The following CFAP91 variants were observed in gnomAD, a reference collection of about 807,000 sequenced individuals.
The protein encoded by CFAP91 is cilia and flagella associated protein 91.
A neutral mutation model predicts 95.9 loss-of-function variants in CFAP91; 85 were observed. The observed-to-expected ratio is 0.89, with a 90% confidence interval of 0.74 to 1.06. The LOEUF (loss-of-function observed/expected upper bound fraction) is 1.06. Among genes scored for constraint, CFAP91 ranks in the 50% least tolerant of loss-of-function variants. The probability of loss-of-function intolerance (pLI) is 0.00; values close to 1 mark genes in which losing one functional copy is unlikely to be tolerated. For synonymous variants in CFAP91, 335 were observed against 327.5 expected, an observed-to-expected ratio of 1.02 and a Z score of -0.25; for missense variants, 962 against 943.4, an observed-to-expected ratio of 1.02 and a Z score of -0.26.
Position 119,740,557 on chromosome 3 carries a change from A to G in CFAP91, c.1542A>G (p.Glu514=). 1 of 1,584,124 alleles carries G rather than the reference A, an allele frequency of 6.3e-7. No homozygotes were observed. The highest frequency in any genetic ancestry group is 1.7e-5 in the Admixed American group (1 of 58,778). Residue 514 remains glutamate (E), a synonymous_variant, in exon 13 of 18, where the codon GAA becomes GAG. Transcript: ENST00000273390. ...GATTTGATTTGATACAGATGTTTGA[A>G]GGGAAAGAAAAGCGACTGGAGTTGA... The part of the protein sequence containing the change: ...RGRVVQNMMF[E]GKEKRLELIQ...
intron 17 of CFAP91, among the ~76,000 whole-genome samples, chr3:119,764,408 A>G (rs1000696633): frequency 6.6e-6 from 1 of 152,136 alleles, no homozygotes; most frequent in Non-Finnish European, 1.5e-5. Context: ...ACTTTCACAA[A>G]CATATCTTTG....
At chr3:119,743,869 T>C in intron 13 of CFAP91, 106 bp from the exon 14 acceptor site, 2 of 1,018,614 alleles carry the variant, frequency 2.0e-6, no homozygotes, top group Non-Finnish European at 2.8e-6. Context: ...AAATGCATTC[T>C]GAAAGTGAAT....
chr3:119,739,607 G>A (rs938875633), intron 12 of CFAP91, among the ~76,000 whole-genome samples: 1 of 150,958 alleles, frequency 6.6e-6, no homozygotes, highest in South Asian at 2.1e-4. Context: ...TTCTTCCTTG[G>A]AATTGTTAAA....
chr3:119,708,720 A>G, intron 4 of CFAP91, 46 bp downstream of exon 4: 1 of 1,100,236 alleles, frequency 9.1e-7, no homozygotes, highest in Non-Finnish European at 1.4e-6. Flanking sequence ...ATATTATTAG[A>G]GAACCTCTTT....
chr3:119,747,968 A>G, intron 16 of CFAP91, 66 bp downstream of exon 16: 2 of 1,251,768 alleles, frequency 1.6e-6, no homozygotes, highest in Non-Finnish European at 2.3e-6. Context: ...AATATCCCAG[A>G]GATTTAAAAT....
At chr3:119,742,136 C>T (rs920741742) in intron 13 of CFAP91, among the ~76,000 whole-genome samples, 1 of 152,166 alleles carries the variant, frequency 6.6e-6, no homozygotes, top group African/African-American at 2.4e-5. Flanking sequence ...CTTTTCAGCT[C>T]ATTTATTCCA....
rs773596379 is a variant in CFAP91, at chr3:119,715,688, T to C, written c.627T>C (p.Tyr209=). 1 of 1,613,910 alleles carries C rather than the reference T, an allele frequency of 6.2e-7. No individual in the cohort carries two copies. Among genetic ancestry groups the C allele is most frequent in the Admixed American group, 1.7e-5 (1 of 60,020 alleles). Residue 209 remains tyrosine (Y), a synonymous_variant, in exon 6 of 18, where the codon TAT becomes TAC. Coordinates refer to ENST00000273390, the MANE Select transcript of CFAP91 (RefSeq NM_033364.4). ...AAACAGATCCATACTCTGCAGAATA[T>C]GTAGTATGTCAGGACTCAATCCCTG... ...DVQTDPYSAE[Y]VVCQDSIPEL...
rs11709699 is a variant in CFAP91, at chr3:119,714,382, A to G, written c.501-1180A>G. Among the ~76,000 whole-genome samples the G allele has an allele frequency of 7.2e-3, 923 of 128,460 alleles. 13 individuals are homozygous for G. Among genetic ancestry groups the G allele is most frequent in the African/African-American group, 0.015 (528 of 36,244 alleles). The allele number at this position is 128,460 out of a possible 152,430, so 84.3% of individuals were successfully genotyped here. A position where few individuals can be genotyped will look rare whatever the true frequency, so the allele number is the denominator to read the frequency against. On this transcript the variant is annotated intron_variant, in intron 5 of 17. Transcript: ENST00000273390. Reference sequence around the variant, plus strand: ...CTCCGTCTCAAAAAAAAAAAAAAAAAAAAGAAAGAAACGCTGGAGCAAAGC... The same window carrying G: ...CTCCGTCTCAAAAAAAAAAAAAAAAGAAAGAAAGAAACGCTGGAGCAAAGC...
chr3:119,726,439 G>A (rs916397461), intron 7 of CFAP91, 91 bp downstream of exon 7: 2 of 1,263,766 alleles, frequency 1.6e-6, no homozygotes, highest in African/African-American at 1.5e-5. Context: ...CAAATGTATG[G>A]GTTGAAAAGC....
chr3:119,728,013 A>AATGATG (rs373100019), intron 7 of CFAP91, among the ~76,000 whole-genome samples: 1 of 150,482 alleles, frequency 6.6e-6, no homozygotes, highest in African/African-American at 2.4e-5. Context: ...TGATGATGAT[A>AATGATG]ATGATGATGA....
intron 17 of CFAP91, among the ~76,000 whole-genome samples, chr3:119,758,401 G>A (rs921128461): frequency 6.6e-6 from 1 of 152,164 alleles, no homozygotes; most frequent in African/African-American, 2.4e-5. Context: ...TATTTCCTAT[G>A]CTATGAAAAG....
At chr3:119,706,484 T>G (rs972673373) in intron 1 of CFAP91, 1 of 230,556 alleles carries the variant, frequency 4.3e-6, no homozygotes, top group Non-Finnish European at 8.5e-6. Context: ...TTACCCAGGC[T>G]CAAAAGGAGT....
chr3:119,732,859 G>A (rs1198640708), intron 9 of CFAP91, among the ~76,000 whole-genome samples: 3 of 152,194 alleles, frequency 2.0e-5, no homozygotes, highest in Admixed American at 1.3e-4. Context: ...GGAGAACCAG[G>A]TGATAAGTTC....
At chr3:119,739,374 T>A in intron 12 of CFAP91, 48 bp downstream of exon 12, 1 of 1,530,436 alleles carries the variant, frequency 6.5e-7, no homozygotes, top group Non-Finnish European at 9.0e-7. Flanking sequence ...TGAGAATAAA[T>A]TTTTTAGAAT....
chr3:119,755,019 A>G (rs2054399595), intron 17 of CFAP91, among the ~76,000 whole-genome samples: 1 of 152,080 alleles, frequency 6.6e-6, no homozygotes, highest in African/African-American at 2.4e-5. Context: ...TCCCTTTTGG[A>G]AGGAAATATG....
At chr3:119,720,704 A>G (rs1159269707) in intron 6 of CFAP91, among the ~76,000 whole-genome samples, 1 of 152,178 alleles carries the variant, frequency 6.6e-6, no homozygotes, top group Non-Finnish European at 1.5e-5. Context: ...CTGAATGAGG[A>G]CAGTACAGTT....
At chr3:119,742,213 G>GT (rs2054134379) in intron 13 of CFAP91, among the ~76,000 whole-genome samples, 1 of 152,154 alleles carries the variant, frequency 6.6e-6, no homozygotes. Flanking sequence ...AATGGGCAAA[G>GT]CTGTCACTTA....
At chr3:119,757,305 C>T (rs1156482720) in intron 17 of CFAP91, among the ~76,000 whole-genome samples, 1 of 152,078 alleles carries the variant, frequency 6.6e-6, no homozygotes, top group Non-Finnish European at 1.5e-5. Flanking sequence ...AAATTTTAAT[C>T]TTTATCAGGA....
At chr3:119,739,928 T>A (rs1251559499) in intron 12 of CFAP91, among the ~76,000 whole-genome samples, 1 of 152,128 alleles carries the variant, frequency 6.6e-6, no homozygotes, top group Admixed American at 6.5e-5. Flanking sequence ...TCTTCCCGAG[T>A]GTAAAGCCTT....
Sources: gnomAD v4.1 joint callset for allele counts (sites outside exome capture counted in the v4.1 genomes callset) on GRCh38, gnomAD v4.1.1 for gene constraint, MANE v1.5 for transcripts, NCBI Gene and HGNC (gene_info 2026-07-23, HGNC 2026-07-21) for gene names.